The following RICTOR variants were observed in gnomAD, a reference collection of about 807,000 sequenced individuals.
RICTOR encodes rapamycin-insensitive companion of mTOR.
A neutral mutation model predicts 214.9 loss-of-function variants in RICTOR; 49 were observed. The ratio of observed to expected loss-of-function variants is 0.23; its 90% CI spans 0.18 to 0.29. The LOEUF (loss-of-function observed/expected upper bound fraction) is 0.29, where lower values mean the gene tolerates loss of function less well. Among genes scored for constraint, RICTOR ranks in the 10% least tolerant of loss-of-function variants. The probability of loss-of-function intolerance (pLI) is 1.00; values close to 1 mark genes in which losing one functional copy is unlikely to be tolerated. For missense variants in RICTOR, 1,625 were observed against 2,047.0 expected (o/e 0.79, Z 3.98); for synonymous variants, 717 against 711.3 (o/e 1.01, Z -0.13).
At chr5:38,998,316 G>T (rs1239558407) in intron 5 of RICTOR, among the ~76,000 whole-genome samples, 2 of 152,182 alleles carry the variant, frequency 1.3e-5, no homozygotes, top group African/African-American at 2.4e-5. Context: ...CTCCTGAGTA[G>T]CTGGGATTAC....
chr5:39,052,918 G>A (rs1458601794), intron 2 of RICTOR, among the ~76,000 whole-genome samples: 1 of 152,152 alleles, frequency 6.6e-6, no homozygotes, highest in Non-Finnish European at 1.5e-5. Context: ...ATTCTCTAGT[G>A]CAAAGTTTGG....
chr5:38,942,849 T>G lies in RICTOR; in HGVS notation c.5036A>C (p.Asp1679Ala). ...CATACTTACTTGTAGAAACTGTACA[T>G]CTTGAAATAATTCTTGTATGAACCT... ...CRRFIQELFQ[D>A]VQFLQMHEEA... The change falls in exon 37 of 38, where the codon GAT (aspartate) becomes GCT (alanine). Residue 1679 changes from aspartate to alanine, a missense_variant. Physicochemically the swap from Asp to Ala is moderately radical, Grantham distance 126. Around this residue, in one of 5 missense-constraint regions of RICTOR, gnomAD observed 38 missense variants for 34.8 expected, o/e 1.09. Transcript: ENST00000357387. The G allele has an allele frequency of 6.2e-7, 1 of 1,609,330 alleles. No individual in the cohort carries two copies.
chr5:39,015,585 C>T (rs776889845), intron 3 of RICTOR, among the ~76,000 whole-genome samples: 1 of 151,842 alleles, frequency 6.6e-6, no homozygotes, highest in Admixed American at 6.6e-5. Context: ...CAGTGCTGAA[C>T]ACCCTAAAAT....
intron 2 of RICTOR, among the ~76,000 whole-genome samples, chr5:39,062,559 A>T (rs1036072048): frequency 3.3e-5 from 5 of 152,158 alleles, no homozygotes; most frequent in African/African-American, 1.2e-4. Context: ...ATGGAAATAA[A>T]TAGCAATACT....
Position 39,014,904 on chromosome 5 carries a change from T to G in RICTOR, c.195+6135A>C, listed in dbSNP as rs1255792280. Among the ~76,000 whole-genome samples the G allele has an allele frequency of 3.9e-5, 6 of 152,308 alleles. No homozygotes were observed. The East Asian group carries it at 1.2e-3, about 29-fold the overall frequency. ...TAAGATAACTTAATCCTAACAGGCT[T>G]ATACTTAACAACAAAACAAATGCCA... On this transcript the variant is annotated intron_variant, in intron 3 of 37. Transcript: ENST00000357387.
intron 2 of RICTOR, among the ~76,000 whole-genome samples, chr5:39,027,968 T>C: frequency 6.6e-6 from 1 of 151,498 alleles, no homozygotes; most frequent in Non-Finnish European, 1.5e-5. Flanking sequence ...AAATAACCCA[T>C]GTAAAAACAG....
chr5:38,976,105 TGAC>T (rs1468070360), intron 9 of RICTOR, among the ~76,000 whole-genome samples: 2 of 152,218 alleles, frequency 1.3e-5, no homozygotes. Flanking sequence ...CTTTCTTCCT[TGAC>T]AATTATGTAC....
intron 15 of RICTOR, among the ~76,000 whole-genome samples, chr5:38,966,136 C>T (rs970875108): frequency 6.6e-6 from 1 of 151,958 alleles, no homozygotes; most frequent in Non-Finnish European, 1.5e-5. Context: ...ACAAAAAAAA[C>T]CCATCTTCTG....
At chr5:38,990,754 GAT>G (rs1280127794) in intron 7 of RICTOR, among the ~76,000 whole-genome samples, 193 bp downstream of exon 7, 1 of 102,944 alleles carries the variant, frequency 9.7e-6, no homozygotes, top group African/African-American at 4.3e-5. Context: ...TGAGATATAT[GAT>G]ATATATGAGA....
At chr5:38,947,513 T>C in intron 31 of RICTOR, 72 bp from the exon 32 acceptor site, 1 of 1,101,600 alleles carries the variant, frequency 9.1e-7, no homozygotes, top group Non-Finnish European at 1.3e-6. Flanking sequence ...AGAAATAACA[T>C]ATATTCCTAC....
intron 7 of RICTOR, among the ~76,000 whole-genome samples, chr5:38,984,819 T>G (rs1239262): frequency 0.94 from 143,146 of 152,142 alleles, 67,576 homozygotes; most frequent in East Asian, 0.99. Context: ...GTTGTTGTTG[T>G]TGGTGGTGGT....
intron 2 of RICTOR, among the ~76,000 whole-genome samples, chr5:39,039,030 C>A (rs568002919): frequency 6.6e-6 from 1 of 152,284 alleles, no homozygotes; most frequent in African/African-American, 2.4e-5. Flanking sequence ...GCCAAAAGAA[C>A]AAAGCTGGAG....
chr5:39,052,730 T>C lies in RICTOR; in HGVS notation c.97+21381A>G, dbSNP rs186061349. Among the ~76,000 whole-genome samples the C allele has an allele frequency of 3.5e-3, 526 of 152,322 alleles. 5 individuals carry two copies. The highest frequency in any genetic ancestry group is 1.6e-3 in the Non-Finnish European group (107 of 68,032). On this transcript the variant is annotated intron_variant, in intron 2 of 37. Transcript: ENST00000357387. ...ATACTGTCAGTCTCCTCAAAGTACA[T>C]TGACAATGGAATCTACCTTTCTCGT... is the stretch of plus-strand genomic sequence containing the variant.
At chr5:38,966,616 T>C in intron 15 of RICTOR, 25 bp downstream of exon 15, 3 of 1,102,602 alleles carry the variant, frequency 2.7e-6, no homozygotes, top group South Asian at 1.3e-5. Context: ...GTATGAAACA[T>C]ATAATCAGAA....
intron 3 of RICTOR, among the ~76,000 whole-genome samples, chr5:39,017,706 A>C (rs1755069772): frequency 6.6e-6 from 1 of 152,168 alleles, no homozygotes; most frequent in Non-Finnish European, 1.5e-5. Context: ...GCACAATACT[A>C]CATAAAAAAT....
At chr5:38,977,875 T>C (rs1022187895) in intron 9 of RICTOR, among the ~76,000 whole-genome samples, 16 of 152,056 alleles carry the variant, frequency 1.1e-4, no homozygotes, top group Non-Finnish European at 1.5e-4. Flanking sequence ...GAATCACTAT[T>C]TTTAACTCAG....
intron 3 of RICTOR, among the ~76,000 whole-genome samples, chr5:39,007,902 T>C (rs1213018064): frequency 1.3e-5 from 2 of 150,642 alleles, no homozygotes; most frequent in African/African-American, 4.8e-5. Context: ...GATTGAAAAC[T>C]GAAAATATTT....
chr5:39,064,429 G>A (rs944714240), intron 2 of RICTOR, among the ~76,000 whole-genome samples: 2 of 152,062 alleles, frequency 1.3e-5, no homozygotes, highest in Non-Finnish European at 2.9e-5. Context: ...TCTATTGTGG[G>A]AGAGAAAAGA....
chr5:39,028,758 T>C (rs1356497400), intron 2 of RICTOR, among the ~76,000 whole-genome samples: 1 of 152,108 alleles, frequency 6.6e-6, no homozygotes, highest in Non-Finnish European at 1.5e-5. Context: ...CAGAGCTGTG[T>C]GCAGTGGCTC....
Sources: gnomAD v4.1 joint callset for allele counts (sites outside exome capture counted in the v4.1 genomes callset) on GRCh38, gnomAD v4.1.1 for gene constraint, gnomAD v4.1.1 regional missense constraint, MANE v1.5 for transcripts, NCBI Gene and HGNC (gene_info 2026-07-23, HGNC 2026-07-21) for gene names.